HCN4: variants seen among roughly 807,000 people sequenced by gnomAD.
HCN4 encodes hyperpolarization activated cyclic nucleotide gated potassium channel 4.
Under a neutral mutation model 76.9 loss-of-function variants are expected in HCN4, and 29 were observed. The ratio of observed to expected loss-of-function variants is 0.38; its 90% CI spans 0.28 to 0.51. The LOEUF (loss-of-function observed/expected upper bound fraction) is 0.51. HCN4 is among the 20% of genes least tolerant of loss of function. The pLI is 0.90. For missense variants in HCN4, 1,416 were observed against 1,715.2 expected (o/e 0.83, Z 3.08); for synonymous variants, 772 against 762.5 (o/e 1.01, Z -0.21).
At position 73,323,818 on chromosome 15, in the gene HCN4, C is replaced by A. The variant is rs62641689; in HGVS notation, c.2275G>T (p.Val759Phe). 6.2e-7 allele frequency: 1 copy of A among 1,606,368 alleles called. No individual in the cohort carries two copies. Among genetic ancestry groups the A allele is most frequent in the Non-Finnish European group, 8.5e-7 (1 of 1,179,820 alleles). ...GGGGTGGCAGAGGCAGCAGCCTGGACGCGGTGCGCGCAGTGGGCCATCTCC... is the reference window on the plus strand; with the variant it reads ...GGGGTGGCAGAGGCAGCAGCCTGGAAGCGGTGCGCGCAGTGGGCCATCTCC... Reference protein sequence around the residue: ...DREMAHCAHRVQAAASATPTP... With the variant: ...DREMAHCAHRFQAAASATPTP... The change falls in exon 8 of 8, where the codon GTC becomes TTC. Residue 759 changes from valine to phenylalanine, a missense_variant. This residue lies in a region of HCN4 where 241 missense variants were observed against 379.4 expected (regional missense o/e 0.64). Transcript: ENST00000261917.
chr15:73,340,312 A>G (rs1249413275), intron 2 of HCN4, among the ~76,000 whole-genome samples: 1 of 152,118 alleles, frequency 6.6e-6, no homozygotes, highest in Non-Finnish European at 1.5e-5. Flanking sequence ...TGGAGGAGTA[A>G]GGTCAGCCCC....
chr15:73,322,574 G>T lies in HCN4; in HGVS notation c.3519C>A (p.Thr1173=). The change falls in exon 8 of 8, where the codon ACC becomes ACA. Residue 1173 remains threonine, a synonymous_variant. Transcript: ENST00000261917. Reference sequence around the variant, plus strand: ...CAGTCAGAGGGGGCCCCCCAGAAGAGGTGGCTCTTGCCCCAAACAAAGACA... The same window carrying T: ...CAGTCAGAGGGGGCCCCCCAGAAGATGTGGCTCTTGCCCCAAACAAAGACA... The part of the protein sequence containing the change: ...PPLSLFGARA[T]SSGGPPLTAG... The T allele has an allele frequency of 6.2e-7, 1 of 1,609,462 alleles. No individual in the cohort carries two copies. Among genetic ancestry groups the T allele is most frequent in the Non-Finnish European group, 8.5e-7 (1 of 1,178,234 alleles).
At chr15:73,348,809 T>C (rs2043040157) in intron 1 of HCN4, among the ~76,000 whole-genome samples, 1 of 152,072 alleles carries the variant, frequency 6.6e-6, no homozygotes, top group African/African-American at 2.4e-5. Context: ...TGTTACCCTC[T>C]CCAACTTTGC....
chr15:73,323,717 G>T lies in HCN4; in HGVS notation c.2376C>A (p.Ala792=). 6.2e-7 allele frequency: 1 copy of T among 1,600,930 alleles called. No homozygotes were observed. Residue 792 remains alanine (A), a synonymous_variant, in exon 8 of 8, where the codon GCC becomes GCA. Coordinates refer to ENST00000261917, the MANE Select transcript of HCN4 (RefSeq NM_005477.3). The stretch of plus-strand genomic sequence containing the variant: ...GGCGAGGGTGGTGGGTGAGGGCTAT[G>T]GCCACAGAAGTGGTGGCAGCGGCAG... The part of the protein sequence containing the change: ...LQAAAATTSV[A]IALTHHPRLP...
intron 4 of HCN4, among the ~76,000 whole-genome samples, chr15:73,327,439 A>G (rs1402472722): frequency 1.3e-5 from 2 of 151,966 alleles, no homozygotes; most frequent in African/African-American, 4.8e-5. Context: ...CTAATCCCTG[A>G]TCTTGACCCC....
Position 73,332,161 on chromosome 15 carries a change from G to A in HCN4, c.1341C>T (p.Asp447=), listed in dbSNP as rs1249092516. 29 of 1,614,064 alleles carry A rather than the reference G, an allele frequency of 1.8e-5. No homozygotes were observed. Among genetic ancestry groups the A allele is most frequent in the South Asian group, 3.3e-5 (3 of 91,084 alleles). ...TGTTGTTGATGGACACCCAGCAGTC[G>A]TCAGGGAAGTCCTGTAGCATGGGTA... ...FLVPMLQDFP[D]DCWVSINNMV... is the part of the protein sequence containing the mutation. Residue 447 remains aspartate (D), a synonymous_variant, in exon 3 of 8, where the codon GAC becomes GAT. Coordinates refer to ENST00000261917, the MANE Select transcript of HCN4 (RefSeq NM_005477.3).
rs1595824091 is a variant in HCN4 at position 73,332,371 on chromosome 15, C to T, written c.1210-79G>A. 9 of 1,442,298 alleles carry T rather than the reference C, an allele frequency of 6.2e-6. No individual in the cohort carries two copies. The East Asian group carries it at 2.1e-4, about 33-fold the overall frequency. The allele number at this position is 1,442,298 out of a possible 1,614,324, so 89.3% of individuals were successfully genotyped here. A position where few individuals can be genotyped will look rare whatever the true frequency, so the allele number is the denominator to read the frequency against. On this transcript the variant is annotated intron_variant, in intron 2 of 7. Coordinates refer to ENST00000261917, the MANE Select transcript of HCN4 (RefSeq NM_005477.3). ...AGCGGCCACTTTCCCTGCCCTGGAG[C>T]TGCTGGTGGGCACTGCTCTGCCTGG...
At chr15:73,338,122 C>T (rs1475477616) in intron 2 of HCN4, among the ~76,000 whole-genome samples, 2 of 152,210 alleles carry the variant, frequency 1.3e-5, no homozygotes, top group Non-Finnish European at 2.9e-5. Flanking sequence ...TCTCCAGCAC[C>T]TGGGAAGTGG....
Position 73,325,527 on chromosome 15 carries a change from T to C in HCN4, c.1591-83A>G. ...CCCCACCACCTCGGCAGGCACCACA[T>C]CCGGGCACCCACCCCGGGGGATTTC... On this transcript the variant is annotated intron_variant, in intron 4 of 7. Coordinates refer to ENST00000261917, the MANE Select transcript of HCN4 (RefSeq NM_005477.3). This position sits in a 1 kb window ranked among gnomAD's most constrained non-coding sequence, Gnocchi z 7.4. The C allele has an allele frequency of 7.1e-7, 1 of 1,398,800 alleles. No individual in the cohort carries two copies. The highest frequency in any genetic ancestry group is 1.0e-6 in the Non-Finnish European group (1 of 984,240). 86.6% of individuals were successfully genotyped at this position (1,398,800 alleles called of 1,614,324 possible).
rs531270226 is a variant in HCN4, at chr15:73,330,736, A to G, written c.1372-945T>C. The stretch of plus-strand genomic sequence containing the variant: ...CGCAGGAGCCCGTGAGCTTCGAGCC[A>G]TATTCAAGGTCAGCCAGACTGCCCT... On this transcript the variant is annotated intron_variant, in intron 3 of 7. Coordinates refer to ENST00000261917, the MANE Select transcript of HCN4 (RefSeq NM_005477.3). Among the ~76,000 whole-genome samples the G allele has an allele frequency of 5.9e-5, 9 of 152,352 alleles. No individual in the cohort carries two copies. The Middle Eastern group carries it at 0.01, about 173-fold the overall frequency.
At chr15:73,364,159 G>A (rs2043118442) in intron 1 of HCN4, among the ~76,000 whole-genome samples, 1 of 152,128 alleles carries the variant, frequency 6.6e-6, no homozygotes. Flanking sequence ...AGGGGGATGA[G>A]AAAGGCCAAG....
chr15:73,342,467 T>C (rs1324645557), intron 2 of HCN4: 2 of 152,292 alleles, frequency 1.3e-5, no homozygotes, highest in Admixed American at 6.5e-5. Flanking sequence ...TGCTGAGGGC[T>C]GGCAGTGCCT....
At position 73,322,723 on chromosome 15, in the gene HCN4, C is replaced by T. The variant is rs1193125461; in HGVS notation, c.3370G>A (p.Gly1124Ser). The T allele has an allele frequency of 1.3e-6, 2 of 1,564,546 alleles. No homozygotes were observed. The highest frequency in any genetic ancestry group is 1.9e-5 in the Admixed American group (1 of 52,120). ...AAFPLFPRAGGGSGGSGSSGG... is the reference protein window; with the variant it reads ...AAFPLFPRAGSGSGGSGSSGG... ...CTGCTCCCACTGCCCCCGCTGCCAC[C>T]CCCAGCCCTGGGGAAGAGCGGGAAG... Residue 1124 changes from glycine (G) to serine (S), a missense_variant, in exon 8 of 8, where the codon GGT becomes AGT. Gly to Ser is a moderately conservative substitution (Grantham distance 56). Coordinates refer to ENST00000261917, the MANE Select transcript of HCN4 (RefSeq NM_005477.3).
chr15:73,323,589 G>A lies in HCN4; in HGVS notation c.2504C>T (p.Ser835Phe). Residue 835 changes from serine to phenylalanine, a missense_variant, in exon 8 of 8, where the codon TCT becomes TTT. By Grantham distance (155) the Ser-to-Phe change is radical. Coordinates refer to ENST00000261917, the MANE Select transcript of HCN4 (RefSeq NM_005477.3). ...GGCGGGCGAGGCGGAGCCCAGCGCAGAAGGGATCAGGGACTGCAGCCGTTT... is the reference window on the plus strand; with the variant it reads ...GGCGGGCGAGGCGGAGCCCAGCGCAAAAGGGATCAGGGACTGCAGCCGTTT... ...HLKRLQSLIP[S>F]ALGSASPASS... 15 of 1,601,644 alleles carry A rather than the reference G, an allele frequency of 9.4e-6. No homozygotes were observed. Among genetic ancestry groups the A allele is most frequent in the Non-Finnish European group, 1.3e-5 (15 of 1,179,788 alleles).
chr15:73,367,194 G>T lies in HCN4; in HGVS notation c.785+292C>A, dbSNP rs2043132275. Among the ~76,000 whole-genome samples the T allele has an allele frequency of 6.6e-6, 1 of 152,204 alleles. No individual in the cohort carries two copies. The highest frequency in any genetic ancestry group is 2.4e-5 in the African/African-American group (1 of 41,438). On this transcript the variant is annotated intron_variant, in intron 1 of 7. Coordinates refer to ENST00000261917, the MANE Select transcript of HCN4 (RefSeq NM_005477.3). The surrounding 1 kb of genome is among the most constrained non-coding windows in gnomAD (Gnocchi z 7.5). The stretch of plus-strand genomic sequence containing the variant: ...GAGGAGGAATATGTGGCTTAAGGTG[G>T]CAGAGCCCTATCCTGGCTGCCGGCA...
At chr15:73,364,213 C>T (rs183881366) in intron 1 of HCN4, among the ~76,000 whole-genome samples, 1 of 152,150 alleles carries the variant, frequency 6.6e-6, no homozygotes, top group Non-Finnish European at 1.5e-5. Context: ...GCTTTGGGGG[C>T]GCAGCAGCAA....
intron 1 of HCN4, among the ~76,000 whole-genome samples, chr15:73,349,995 TCCCA>T (rs1025598574): frequency 2.8e-4 from 43 of 152,268 alleles, no homozygotes; most frequent in Non-Finnish European, 5.9e-4. Flanking sequence ...ACTCTAACAA[TCCCA>T]CCTCAATGGT....
intron 2 of HCN4, among the ~76,000 whole-genome samples, chr15:73,332,602 G>A (rs1387631110): frequency 1.3e-5 from 2 of 152,200 alleles, no homozygotes; most frequent in Non-Finnish European, 2.9e-5. Flanking sequence ...GCCCAGAAGT[G>A]GGCAGAGAAG....
rs1200627448 is a variant in HCN4, at chr15:73,367,792, T to C, written c.479A>G (p.Gln160Arg). The C allele has an allele frequency of 3.1e-6, 4 of 1,296,776 alleles. No individual in the cohort carries two copies. The highest frequency in any genetic ancestry group is 3.9e-6 in the Non-Finnish European group (4 of 1,032,204). 80.3% of individuals were successfully genotyped at this position (1,296,776 alleles called of 1,614,324 possible). ...AEPERPGASAQPAASPPPPQQ... is the reference protein window; with the variant it reads ...AEPERPGASARPAASPPPPQQ... ...GGGCGGCGGCGGCGAGGCTGCGGGC[T>C]GCGCCGAGGCGCCGGGGCGCTCGGG... The change falls in exon 1 of 8, where the codon CAG (glutamine) becomes CGG (arginine). Residue 160 changes from glutamine (Q) to arginine (R), a missense_variant. By Grantham distance (43) the Gln-to-Arg change is conservative. This residue lies in a region of HCN4 where 355 missense variants were observed against 347.8 expected (regional missense o/e 1.02). Transcript: ENST00000261917. The surrounding 1 kb of genome is among the most constrained non-coding windows in gnomAD (Gnocchi z 7.5).
Sources: gnomAD v4.1 joint callset for allele counts (sites outside exome capture counted in the v4.1 genomes callset) on GRCh38, gnomAD v4.1.1 for gene constraint, gnomAD v4.1.1 regional missense constraint, Gnocchi (gnomAD v3.1) non-coding constraint, MANE v1.5 for transcripts, NCBI Gene and HGNC (gene_info 2026-07-23, HGNC 2026-07-21) for gene names.